The following SLC39A11 variants were observed in gnomAD, a reference collection of about 807,000 sequenced individuals.
The protein encoded by SLC39A11 is zinc transporter ZIP11.
Under a neutral mutation model 36.1 loss-of-function variants are expected in SLC39A11, and 33 were observed. The observed-to-expected ratio is 0.91, with a 90% CI of 0.69 to 1.22. The LOEUF is 1.22. Ranked by LOEUF, SLC39A11 falls within the 50% of genes most tolerant of loss-of-function variation. SLC39A11 has a pLI of 0.00. For synonymous variants in SLC39A11, 166 were observed against 170.3 expected (o/e 0.97, Z 0.20); for missense variants, 432 against 430.3 (o/e 1.00, Z -0.03).
At chr17:72,985,610 G>A (rs1404146981) in intron 4 of SLC39A11, among the ~76,000 whole-genome samples, 3 of 151,792 alleles carry the variant, frequency 2.0e-5, no homozygotes, top group African/African-American at 7.3e-5. Flanking sequence ...ACAGGGTTTC[G>A]CCATGTTGGC....
At chr17:72,922,377 T>C (rs1168348640) in intron 5 of SLC39A11, among the ~76,000 whole-genome samples, 1 of 152,232 alleles carries the variant, frequency 6.6e-6, no homozygotes, top group Non-Finnish European at 1.5e-5. Context: ...TGCTCTGTGT[T>C]GAAAGGGGAA....
intron 7 of SLC39A11, among the ~76,000 whole-genome samples, chr17:72,717,114 ATATG>A (rs1196335771): frequency 1.6e-5 from 2 of 122,602 alleles, no homozygotes; most frequent in African/African-American, 7.2e-5. Flanking sequence ...GTGTATGTAT[ATATG>A]TATATATGTA....
chr17:72,683,920 G>A (rs1216622333), intron 7 of SLC39A11, among the ~76,000 whole-genome samples: 1 of 152,008 alleles, frequency 6.6e-6, no homozygotes, highest in African/African-American at 2.4e-5. Flanking sequence ...TTTTGAAAGG[G>A]GGGAATCACC....
At chr17:72,711,235 GT>G (rs1330624050) in intron 7 of SLC39A11, among the ~76,000 whole-genome samples, 2 of 152,190 alleles carry the variant, frequency 1.3e-5, no homozygotes, top group Non-Finnish European at 2.9e-5. Flanking sequence ...TGGACACATG[GT>G]TGCATGGAAT....
intron 4 of SLC39A11, among the ~76,000 whole-genome samples, chr17:72,975,167 G>A (rs772718064): frequency 5.3e-5 from 8 of 152,150 alleles, no homozygotes; most frequent in Non-Finnish European, 1.2e-4. Context: ...TAGACCAGGC[G>A]GTGGCTCACA....
At chr17:72,692,790 A>T (rs1156975086) in intron 7 of SLC39A11, among the ~76,000 whole-genome samples, 1 of 152,168 alleles carries the variant, frequency 6.6e-6, no homozygotes, top group Non-Finnish European at 1.5e-5. Flanking sequence ...AGATACTTGT[A>T]CACACAGGAC....
chr17:72,820,366 G>A (rs2077728101), intron 6 of SLC39A11, among the ~76,000 whole-genome samples: 1 of 151,228 alleles, frequency 6.6e-6, no homozygotes. Flanking sequence ...ATTTGTAGCT[G>A]TCTTAAGCAA....
intron 4 of SLC39A11, among the ~76,000 whole-genome samples, chr17:73,002,788 A>C (rs2089893807): frequency 1.3e-5 from 2 of 152,188 alleles, no homozygotes; most frequent in South Asian, 4.1e-4. Context: ...TACTGAAATC[A>C]ATGTGTCAGC....
chr17:72,757,914 C>T (rs763859339), intron 6 of SLC39A11, among the ~76,000 whole-genome samples: 1 of 152,124 alleles, frequency 6.6e-6, no homozygotes, highest in Non-Finnish European at 1.5e-5. Context: ...GAGATAGAGT[C>T]TCACTCTGTC....
chr17:72,999,597 T>C (rs982760997), intron 4 of SLC39A11, among the ~76,000 whole-genome samples: 2 of 152,328 alleles, frequency 1.3e-5, no homozygotes, highest in East Asian at 1.9e-4. Flanking sequence ...GAGTAATCCC[T>C]AGCAGTTTTT....
At chr17:72,833,088 G>A (rs1484781882) in intron 6 of SLC39A11, among the ~76,000 whole-genome samples, 1 of 152,148 alleles carries the variant, frequency 6.6e-6, no homozygotes, top group Non-Finnish European at 1.5e-5. Context: ...CAAGACCATT[G>A]TCAAGCTACA....
chr17:72,774,067 G>T (rs962686027), intron 6 of SLC39A11, among the ~76,000 whole-genome samples: 1 of 152,184 alleles, frequency 6.6e-6, no homozygotes, highest in Non-Finnish European at 1.5e-5. Flanking sequence ...CTGGGCCTCC[G>T]TGTCTCTCTG....
intron 1 of SLC39A11, among the ~76,000 whole-genome samples, chr17:73,089,213 CA>C (rs1363607922): frequency 2.0e-5 from 3 of 152,152 alleles, no homozygotes; most frequent in Non-Finnish European, 4.4e-5. Flanking sequence ...GTGATGTCAA[CA>C]CGCTTCCAAT....
intron 6 of SLC39A11, among the ~76,000 whole-genome samples, chr17:72,841,935 G>A (rs1334761044): frequency 6.6e-6 from 1 of 151,860 alleles, no homozygotes; most frequent in Non-Finnish European, 1.5e-5. Context: ...AGCTGGGTGT[G>A]GTGGTATGCA....
At chr17:72,939,689 G>C (rs1263726285) in intron 5 of SLC39A11, among the ~76,000 whole-genome samples, 1 of 152,088 alleles carries the variant, frequency 6.6e-6, no homozygotes, top group African/African-American at 2.4e-5. Context: ...GAAACGCTGG[G>C]GGCCAAAAGA....
intron 3 of SLC39A11, among the ~76,000 whole-genome samples, chr17:73,063,818 A>G (rs543336099): frequency 3.3e-4 from 50 of 152,262 alleles, no homozygotes; most frequent in African/African-American, 1.1e-3. Flanking sequence ...CCACACAGAA[A>G]TCTTCATGCA....
At chr17:72,899,105 A>G (rs2082180894) in intron 5 of SLC39A11, among the ~76,000 whole-genome samples, 1 of 152,212 alleles carries the variant, frequency 6.6e-6, no homozygotes, top group Non-Finnish European at 1.5e-5. Flanking sequence ...AGAAAACGTG[A>G]TGACTTTCAG....
chr17:73,073,938 G>A (rs2144583943), intron 3 of SLC39A11: 1 of 151,870 alleles, frequency 6.6e-6, no homozygotes, highest in East Asian at 1.9e-4. Context: ...TGGTGCTTTG[G>A]TTGTGGCCCA....
chr17:72,742,815 T>C (rs1401900142), intron 6 of SLC39A11, among the ~76,000 whole-genome samples: 1 of 152,202 alleles, frequency 6.6e-6, no homozygotes, highest in Non-Finnish European at 1.5e-5. Context: ...CAATTCCAAA[T>C]AAGATCCTAC....
Sources: gnomAD v4.1 joint callset for allele counts (sites outside exome capture counted in the v4.1 genomes callset) on GRCh38, gnomAD v4.1.1 for gene constraint, MANE v1.5 for transcripts, NCBI Gene and HGNC (gene_info 2026-07-23, HGNC 2026-07-21) for gene names.